MTMR3: variants seen among roughly 807,000 people sequenced by gnomAD.
MTMR3 encodes the protein phosphatidylinositol-3,5-bisphosphate 3-phosphatase MTMR3.
A neutral mutation model predicts 132.4 loss-of-function variants in MTMR3; 32 were observed. The ratio of observed to expected loss-of-function variants is 0.24; its 90% CI spans 0.18 to 0.32. The LOEUF is 0.32. Among genes scored for constraint, MTMR3 ranks in the 10% least tolerant of loss-of-function variants. The pLI is 1.00. For synonymous variants in MTMR3, 556 were observed against 550.3 expected (o/e 1.01, Z -0.14); for missense variants, 1,216 against 1,489.6 (o/e 0.82, Z 3.02).
chr22:29,897,441 T>TTTTATTTA (rs146436672), intron 1 of MTMR3, among the ~76,000 whole-genome samples: 25 of 152,040 alleles, frequency 1.6e-4, no homozygotes, highest in African/African-American at 3.6e-4. Flanking sequence ...TTAAGTATGT[T>TTTTATTTA]TTTATTTATT....
intron 1 of MTMR3, among the ~76,000 whole-genome samples, chr22:29,907,968 A>C (rs2065136174): frequency 6.6e-6 from 1 of 152,198 alleles, no homozygotes; most frequent in Non-Finnish European, 1.5e-5. Context: ...CTGTCTCAGG[A>C]TCTCACATTT....
At chr22:29,985,501 A>AAAGC (rs1263911398) in intron 5 of MTMR3, 1 of 148,764 alleles carries the variant, frequency 6.7e-6, no homozygotes, top group East Asian at 1.9e-4. Flanking sequence ...CTCCATCTCA[A>AAAGC]AAGAAAGAAA....
intron 5 of MTMR3, chr22:29,983,798 C>G (rs1192684483): frequency 6.6e-6 from 1 of 152,016 alleles, no homozygotes; most frequent in Non-Finnish European, 1.5e-5. Flanking sequence ...CCACCGCGTT[C>G]AGTTAATTTA....
At chr22:29,892,667 T>A (rs1053683476) in intron 1 of MTMR3, among the ~76,000 whole-genome samples, 1 of 152,024 alleles carries the variant, frequency 6.6e-6, no homozygotes, top group Non-Finnish European at 1.5e-5. Flanking sequence ...TAGAAAAAAA[T>A]GGGGAAATTA....
In MTMR3 at chr22:29,978,618, A is replaced by G. The variant is rs2066676637; in HGVS notation, c.93+87A>G. 12 of 908,078 alleles carry G rather than the reference A, an allele frequency of 1.3e-5. No individual in the cohort carries two copies. In the South Asian group the frequency reaches 2.1e-4, roughly 16 times the overall value. 56.3% of individuals were successfully genotyped at this position (908,078 alleles called of 1,614,324 possible). ...AATGGATTTAAGTGTAACGTACTAT[A>G]TTATATATATATATAACATACATGT... On this transcript the variant is annotated intron_variant, in intron 4 of 19. Coordinates refer to ENST00000401950, the MANE Select transcript of MTMR3 (RefSeq NM_021090.4).
At chr22:29,902,653 C>T (rs2065024009) in intron 1 of MTMR3, among the ~76,000 whole-genome samples, 1 of 152,082 alleles carries the variant, frequency 6.6e-6, no homozygotes, top group African/African-American at 2.4e-5. Flanking sequence ...AGGCGTGAGT[C>T]ACCGTGCCTG....
At chr22:30,022,256 C>A in intron 18 of MTMR3, 117 bp downstream of exon 18, 1 of 778,560 alleles carries the variant, frequency 1.3e-6, no homozygotes, top group Admixed American at 2.2e-5. Flanking sequence ...ACAGCTAGCC[C>A]TGAGCCTCTG....
At position 29,950,425 on chromosome 22, in the gene MTMR3, G is replaced by T. The variant is rs573741044; in HGVS notation, c.-137-6611G>T. ...GTCGCCCAGGCTGGAGTGCAGTGGC[G>T]TGATCTCAGCTCACTGCAACCTCCG... On this transcript the variant is annotated intron_variant, in intron 1 of 19. Coordinates refer to ENST00000401950, the MANE Select transcript of MTMR3 (RefSeq NM_021090.4). 2.0e-5 allele frequency among the ~76,000 whole-genome samples: 3 copies of T among 151,502 alleles called. No individual in the cohort carries two copies. In the East Asian group the frequency reaches 5.9e-4, roughly 30 times the overall value.
At chr22:30,003,626 T>C (rs1234850249) in intron 9 of MTMR3, 1 of 152,248 alleles carries the variant, frequency 6.6e-6, no homozygotes, top group Non-Finnish European at 1.5e-5. Flanking sequence ...GTTCCCTAAC[T>C]GACCTCAGTC....
At chr22:29,941,427 G>C (rs958587754) in intron 1 of MTMR3, among the ~76,000 whole-genome samples, 2 of 152,146 alleles carry the variant, frequency 1.3e-5, no homozygotes, top group African/African-American at 4.8e-5. Flanking sequence ...ATACCCAGGA[G>C]TAGAATTGTT....
At chr22:29,961,603 A>G (rs758985046) in intron 2 of MTMR3, among the ~76,000 whole-genome samples, 12 of 152,130 alleles carry the variant, frequency 7.9e-5, no homozygotes, top group South Asian at 2.1e-4. Context: ...AAAAATAACT[A>G]TCACCTAGTG....
chr22:29,912,582 T>C (rs1312829686), intron 1 of MTMR3, among the ~76,000 whole-genome samples: 1 of 152,206 alleles, frequency 6.6e-6, no homozygotes, highest in Non-Finnish European at 1.5e-5. Flanking sequence ...CCTGGCCTTG[T>C]CTTGCTTTTT....
chr22:30,009,124 G>T lies in MTMR3; in HGVS notation c.1116G>T (p.Pro372=). 6.3e-7 allele frequency: 1 copy of T among 1,597,110 alleles called. No individual in the cohort carries two copies. Among genetic ancestry groups the T allele is most frequent in the East Asian group, 2.2e-5 (1 of 44,794 alleles). Residue 372 remains proline (P), a synonymous_variant, in exon 12 of 20, where the codon CCG becomes CCT. Coordinates refer to ENST00000401950, the MANE Select transcript of MTMR3 (RefSeq NM_021090.4). ...LRLLCTQMPD[P]GNWLSALEST... is the part of the protein sequence containing the mutation. ...TGCTGTGCACTCAGATGCCAGATCCGGGAAAGTAAGTCCTTGGCCTTGGCT... is the reference window on the plus strand; with the variant it reads ...TGCTGTGCACTCAGATGCCAGATCCTGGAAAGTAAGTCCTTGGCCTTGGCT...
At chr22:29,932,622 T>A (rs573548335) in intron 1 of MTMR3, among the ~76,000 whole-genome samples, 101 of 152,166 alleles carry the variant, frequency 6.6e-4, no homozygotes, top group African/African-American at 2.2e-3. Context: ...CAACATTTTT[T>A]AAAAAAATGT....
In MTMR3 at chr22:29,898,569, A is replaced by G. The variant is rs1186707100; in HGVS notation, c.-138+15210A>G. Reference sequence around the variant, plus strand: ...AGTGTTGGGCCACCATTCCCTGCTAATTTTTGTATTTTTTGTAGAGACTGG... The same window carrying G: ...AGTGTTGGGCCACCATTCCCTGCTAGTTTTTGTATTTTTTGTAGAGACTGG... On this transcript the variant is annotated intron_variant, in intron 1 of 19. Transcript: ENST00000401950. Among the ~76,000 whole-genome samples the G allele has an allele frequency of 2.6e-5, 4 of 151,978 alleles. No individual in the cohort carries two copies. The East Asian group carries it at 7.7e-4, about 29-fold the overall frequency.
In MTMR3 at chr22:29,942,772, A is replaced by C. The variant is rs983542324; in HGVS notation, c.-137-14264A>C. ...TCACCGGCAGTCAGAGTTTAAGGTT[A>C]TCTCTCTTGTTCCCTGAACATTGCT... On this transcript the variant is annotated intron_variant, in intron 1 of 19. Coordinates refer to ENST00000401950, the MANE Select transcript of MTMR3 (RefSeq NM_021090.4). Among the ~76,000 whole-genome samples, 32 of 152,344 alleles carry C rather than the reference A, an allele frequency of 2.1e-4. 1 individual carries two copies. Among genetic ancestry groups the C allele is most frequent in the African/African-American group, 7.2e-4 (30 of 41,580 alleles).
chr22:30,022,290 C>T, intron 18 of MTMR3, 151 bp downstream of exon 18: 4 of 645,028 alleles, frequency 6.2e-6, no homozygotes, highest in East Asian at 2.7e-5. Context: ...TGGGAACCCA[C>T]ATGAAGCCTA....
chr22:30,022,024 A>G lies in MTMR3; in HGVS notation c.3226-5A>G, dbSNP rs369348300. The G allele has an allele frequency of 2.1e-5, 34 of 1,610,918 alleles. No homozygotes were observed. Among genetic ancestry groups the G allele is most frequent in the Non-Finnish European group, 2.7e-5 (32 of 1,177,184 alleles). ...TTCTGTTCAGCTGTGTTTGTTTGCC[A>G]ACAGACTTCAATCCCCGACTCGGAA... On this transcript the variant is annotated splice_polypyrimidine_tract_variant and splice_region_variant and intron_variant, in intron 17 of 19. Coordinates refer to ENST00000401950, the MANE Select transcript of MTMR3 (RefSeq NM_021090.4).
At chr22:30,012,250 A>G in intron 12 of MTMR3, 118 bp from the exon 13 acceptor site, 1 of 1,102,358 alleles carries the variant, frequency 9.1e-7, no homozygotes, top group South Asian at 1.5e-5. Context: ...TTGTTTTGGC[A>G]GTGTTATATT....
Sources: gnomAD v4.1 joint callset for allele counts (sites outside exome capture counted in the v4.1 genomes callset) on GRCh38, gnomAD v4.1.1 for gene constraint, MANE v1.5 for transcripts, NCBI Gene and HGNC (gene_info 2026-07-23, HGNC 2026-07-21) for gene names.